DPH6: variants seen among roughly 807,000 people sequenced by gnomAD.
DPH6 encodes the protein diphthine--ammonia ligase.
A neutral mutation model predicts 38.2 loss-of-function variants in DPH6; 33 were observed. The observed-to-expected ratio is 0.86, with a 90% CI of 0.65 to 1.15. DPH6 has a LOEUF of 1.15. Among genes scored for constraint, DPH6 ranks in the 50% most tolerant of loss-of-function variants. DPH6 has a pLI of 0.00. For missense variants in DPH6, 325 were observed against 320.0 expected (o/e 1.02, Z -0.12); for synonymous variants, 108 against 103.0 (o/e 1.05, Z -0.30).
At chr15:35,419,714 T>C (rs1195651063) in intron 5 of DPH6, among the ~76,000 whole-genome samples, 3 of 152,146 alleles carry the variant, frequency 2.0e-5, no homozygotes, top group Non-Finnish European at 2.9e-5. Context: ...GGTTATAATA[T>C]AGTGATTAAG....
chr15:35,249,709 T>C (rs949726826), intron 3 of DPH6, among the ~76,000 whole-genome samples: 3 of 152,120 alleles, frequency 2.0e-5, no homozygotes, highest in African/African-American at 7.2e-5. Flanking sequence ...AAATAGCATA[T>C]TAGTTCTGAA....
chr15:35,259,897 T>A (rs1240694907), intron 3 of DPH6, among the ~76,000 whole-genome samples: 1 of 152,138 alleles, frequency 6.6e-6, no homozygotes, highest in Non-Finnish European at 1.5e-5. Context: ...AGCTCATAAA[T>A]GATACCAAGA....
intron 3 of DPH6, among the ~76,000 whole-genome samples, chr15:35,245,066 T>C (rs2051626749): frequency 6.6e-6 from 1 of 152,046 alleles, no homozygotes. Context: ...TACATATTGT[T>C]AGTGTGATTT....
chr15:35,440,224 C>A (rs1487892086), intron 5 of DPH6, among the ~76,000 whole-genome samples: 1 of 152,182 alleles, frequency 6.6e-6, no homozygotes, highest in Non-Finnish European at 1.5e-5. Context: ...TGCCCATAAC[C>A]TGGAGGTTTC....
intron 3 of DPH6, among the ~76,000 whole-genome samples, chr15:35,513,876 TTA>T (rs758860455): frequency 4.6e-5 from 7 of 152,044 alleles, no homozygotes; most frequent in Non-Finnish European, 8.8e-5. Flanking sequence ...ATTTTAGCTA[TTA>T]TGTTAATAAG....
intron 3 of DPH6, among the ~76,000 whole-genome samples, chr15:35,472,730 G>A (rs1260797025): frequency 6.6e-6 from 1 of 151,986 alleles, no homozygotes; most frequent in Non-Finnish European, 1.5e-5. Context: ...ATCAGCAAGA[G>A]ACAAGTCCCA....
intron 3 of DPH6, among the ~76,000 whole-genome samples, chr15:35,473,967 C>T (rs1325719212): frequency 6.8e-6 from 1 of 146,802 alleles, no homozygotes; most frequent in Non-Finnish European, 1.5e-5. Flanking sequence ...TGCGCGCGCG[C>T]GCGTGAGCTT....
chr15:35,325,245 G>T (rs1398599231), intron 3 of DPH6, among the ~76,000 whole-genome samples: 1 of 151,944 alleles, frequency 6.6e-6, no homozygotes, highest in Non-Finnish European at 1.5e-5. Flanking sequence ...AAATATTCAT[G>T]GAAATGCAAA....
chr15:35,153,787 G>A, the DPH6 span, among the ~76,000 whole-genome samples: 3 of 152,140 alleles, frequency 2.0e-5, no homozygotes, highest in Admixed American at 1.3e-4. Context: ...CTTCAAGAGA[G>A]CCCCTCAAAA....
At chr15:35,473,263 A>C (rs981810788) in intron 3 of DPH6, among the ~76,000 whole-genome samples, 1 of 152,186 alleles carries the variant, frequency 6.6e-6, no homozygotes, top group Non-Finnish European at 1.5e-5. Context: ...ACAGGAAAGA[A>C]AAAAAGTTCT....
At chr15:35,424,116 A>G (rs1206748330) in intron 5 of DPH6, among the ~76,000 whole-genome samples, 1 of 151,610 alleles carries the variant, frequency 6.6e-6, no homozygotes. Flanking sequence ...TGAGAATTTG[A>G]TAAGGATTAC....
At position 35,376,905 on chromosome 15, in the gene DPH6, C is replaced by T. The variant is rs900935076; in HGVS notation, c.663-3297G>A. Among the ~76,000 whole-genome samples the T allele has an allele frequency of 1.1e-4, 17 of 152,106 alleles. No individual in the cohort carries two copies. In the East Asian group the frequency reaches 3.1e-3, roughly 28 times the overall value. On this transcript the variant is annotated intron_variant, in intron 7 of 8. Coordinates refer to ENST00000256538, the MANE Select transcript of DPH6 (RefSeq NM_080650.4). ...CTTGCAAAATGACAAAATTGCCTAA[C>T]AATGCATTTCTCAGAATGTTTCCAC... is the stretch of plus-strand genomic sequence containing the variant.
chr15:35,472,904 T>TA (rs374089826), intron 3 of DPH6, among the ~76,000 whole-genome samples: 293 of 135,200 alleles, frequency 2.2e-3, no homozygotes, highest in South Asian at 4.3e-3. Flanking sequence ...AAGATGTAGT[T>TA]AAAAAAAAAA....
the DPH6 span, among the ~76,000 whole-genome samples, chr15:35,183,368 C>G: frequency 6.6e-6 from 1 of 152,172 alleles, no homozygotes; most frequent in Non-Finnish European, 1.5e-5. Flanking sequence ...GCTGTTTCAG[C>G]AATTGCGCCT....
intron 3 of DPH6, chr15:35,519,641 C>T (rs1362638698): frequency 2.0e-5 from 3 of 152,222 alleles, no homozygotes; most frequent in African/African-American, 7.2e-5. Context: ...CTTGTTTGAA[C>T]AAAAATTAAA....
chr15:35,167,632 A>T, the DPH6 span, among the ~76,000 whole-genome samples: 12 of 151,504 alleles, frequency 7.9e-5, no homozygotes, highest in South Asian at 2.1e-3. Flanking sequence ...AATATCAGAC[A>T]TCTCGCAATG....
intron 3 of DPH6, among the ~76,000 whole-genome samples, chr15:35,352,492 CTT>C (rs1295218715): frequency 6.6e-6 from 1 of 152,086 alleles, no homozygotes; most frequent in African/African-American, 2.4e-5. Flanking sequence ...CATGTGTTCT[CTT>C]TGTTCAATTC....
chr15:35,401,245 T>G, intron 6 of DPH6: 1 of 1,076,642 alleles, frequency 9.3e-7, no homozygotes, highest in Non-Finnish European at 1.4e-6. Flanking sequence ...ACAAAGTGGT[T>G]CTGGAAACTT....
intron 3 of DPH6, among the ~76,000 whole-genome samples, chr15:35,349,147 A>G (rs1436625588): frequency 4.6e-5 from 7 of 151,920 alleles, no homozygotes; most frequent in Non-Finnish European, 8.8e-5. Context: ...GATCTCTTTT[A>G]TTTCTTTTTC....
Sources: allele counts gnomAD v4.1 joint callset (sites outside exome capture counted in the v4.1 genomes callset), GRCh38; gene constraint gnomAD v4.1.1; transcripts MANE v1.5; gene names NCBI Gene and HGNC (gene_info 2026-07-23, HGNC 2026-07-21).